The following SLC39A11 variants were observed in gnomAD, a reference collection of about 807,000 sequenced individuals.
The protein encoded by SLC39A11 is solute carrier family 39 member 11.
SLC39A11 carries 33 observed loss-of-function variants against 36.1 expected under a neutral mutation model. That is an observed-to-expected ratio of 0.91 (90% CI 0.69 to 1.22). The LOEUF (loss-of-function observed/expected upper bound fraction) is 1.22. SLC39A11 is among the 50% of genes most tolerant of loss of function. SLC39A11 has a pLI of 0.00. For synonymous variants in SLC39A11, 166 were observed against 170.3 expected (o/e 0.97, Z 0.20); for missense variants, 432 against 430.3 (o/e 1.00, Z -0.03).
chr17:72,694,229 G>T (rs772870769), intron 7 of SLC39A11, among the ~76,000 whole-genome samples: 1 of 152,126 alleles, frequency 6.6e-6, no homozygotes, highest in Non-Finnish European at 1.5e-5. Context: ...CTGAGAAGGG[G>T]GTCTCACAAA....
At chr17:73,018,660 C>T (rs183955094) in intron 4 of SLC39A11, among the ~76,000 whole-genome samples, 37 of 152,210 alleles carry the variant, frequency 2.4e-4, no homozygotes, top group Non-Finnish European at 5.1e-4. Context: ...TCCATCCCAA[C>T]AAAGCCTAAA....
intron 7 of SLC39A11, among the ~76,000 whole-genome samples, chr17:72,658,717 C>T (rs1013010687): frequency 1.3e-5 from 2 of 152,108 alleles, no homozygotes; most frequent in African/African-American, 4.8e-5. Context: ...CTGGGTGGGA[C>T]CCCAGGTGCA....
intron 7 of SLC39A11, among the ~76,000 whole-genome samples, chr17:72,736,040 A>T (rs1034662061): frequency 1.3e-5 from 2 of 152,220 alleles, no homozygotes; most frequent in African/African-American, 4.8e-5. Flanking sequence ...ATATAGGAAC[A>T]TATTCAGGAC....
intron 3 of SLC39A11, among the ~76,000 whole-genome samples, chr17:73,042,619 G>A (rs1251999805): frequency 6.6e-6 from 1 of 152,166 alleles, no homozygotes; most frequent in African/African-American, 2.4e-5. Context: ...TGGCCAACGT[G>A]GTGAAACCCC....
intron 4 of SLC39A11, among the ~76,000 whole-genome samples, chr17:73,000,891 G>C (rs1044647844): frequency 6.6e-6 from 1 of 152,232 alleles, no homozygotes; most frequent in Non-Finnish European, 1.5e-5. Context: ...TTTAGTGCTT[G>C]AAAAGGGACA....
chr17:72,668,522 G>C (rs1883438254), intron 7 of SLC39A11, among the ~76,000 whole-genome samples: 1 of 152,206 alleles, frequency 6.6e-6, no homozygotes, highest in African/African-American at 2.4e-5. Context: ...AGCTGGTTTT[G>C]ACTTTGCAAA....
intron 5 of SLC39A11, among the ~76,000 whole-genome samples, chr17:72,924,481 G>T (rs2083912623): frequency 6.6e-6 from 1 of 152,080 alleles, no homozygotes; most frequent in South Asian, 2.1e-4. Context: ...AATAAAAATT[G>T]ATCATTGTTT....
chr17:73,063,837 A>C (rs1005028412), intron 3 of SLC39A11, among the ~76,000 whole-genome samples: 1 of 152,162 alleles, frequency 6.6e-6, no homozygotes, highest in Non-Finnish European at 1.5e-5. Flanking sequence ...CATAATTACA[A>C]AGTGTTCAGC....
chr17:72,704,965 G>A (rs1046562820), intron 7 of SLC39A11, among the ~76,000 whole-genome samples: 1 of 152,200 alleles, frequency 6.6e-6, no homozygotes, highest in Admixed American at 6.5e-5. Context: ...TTAGCAGGAA[G>A]CCATCTTAAC....
At chr17:72,683,919 G>C (rs573274116) in intron 7 of SLC39A11, among the ~76,000 whole-genome samples, 6 of 152,112 alleles carry the variant, frequency 3.9e-5, no homozygotes, top group South Asian at 2.1e-4. Flanking sequence ...TTTTTGAAAG[G>C]GGGGAATCAC....
At chr17:72,709,848 A>G (rs1338400668) in intron 7 of SLC39A11, among the ~76,000 whole-genome samples, 1 of 152,224 alleles carries the variant, frequency 6.6e-6, no homozygotes, top group Non-Finnish European at 1.5e-5. Flanking sequence ...TCTGCAACTC[A>G]AAAGTTTTCC....
chr17:72,925,061 G>T (rs1317568993), intron 5 of SLC39A11, among the ~76,000 whole-genome samples: 1 of 151,762 alleles, frequency 6.6e-6, no homozygotes, highest in African/African-American at 2.4e-5. Flanking sequence ...CTCATTTGAG[G>T]AGAATTCCCT....
At position 72,783,026 on chromosome 17, in the gene SLC39A11, A is replaced by G. The variant is rs2076381366; in HGVS notation, c.602-46307T>C. 2.0e-5 allele frequency among the ~76,000 whole-genome samples: 3 copies of G among 151,848 alleles called. No homozygotes were observed. The East Asian group carries it at 5.8e-4, about 29-fold the overall frequency. Reference sequence around the variant, plus strand: ...CAACAAAAAAAAAAAAAAAAAAGAAAAAAGAAAAGAAAAGAAAGCAGATTT... The same window carrying G: ...CAACAAAAAAAAAAAAAAAAAAGAAGAAAGAAAAGAAAAGAAAGCAGATTT... On this transcript the variant is annotated intron_variant, in intron 6 of 9. Transcript: ENST00000255559.
At chr17:72,922,979 A>AC (rs2083774687) in intron 5 of SLC39A11, among the ~76,000 whole-genome samples, 2 of 138,048 alleles carry the variant, frequency 1.4e-5, no homozygotes, top group African/African-American at 5.8e-5. Context: ...AAAAAAAAAA[A>AC]AAAAAAAAAA....
chr17:72,859,603 C>A (rs897679337), intron 5 of SLC39A11, among the ~76,000 whole-genome samples: 1 of 151,092 alleles, frequency 6.6e-6, no homozygotes, highest in African/African-American at 2.4e-5. Flanking sequence ...AAGCTGACTG[C>A]ACTCTACCCT....
At chr17:72,932,816 G>A (rs1188001817) in intron 5 of SLC39A11, among the ~76,000 whole-genome samples, 1 of 152,178 alleles carries the variant, frequency 6.6e-6, no homozygotes. Flanking sequence ...CCAACATCTA[G>A]CAGCCGCTAA....
intron 6 of SLC39A11, among the ~76,000 whole-genome samples, chr17:72,844,394 C>T (rs1015733010): frequency 3.9e-5 from 6 of 152,160 alleles, no homozygotes; most frequent in Admixed American, 1.3e-4. Context: ...AGGGACCAGG[C>T]GCAGTGGCTC....
chr17:73,007,753 T>C (rs1404190840), intron 4 of SLC39A11, among the ~76,000 whole-genome samples: 2 of 152,044 alleles, frequency 1.3e-5, no homozygotes, highest in African/African-American at 2.4e-5. Context: ...GAAAAAGGCC[T>C]GGACTTGATG....
intron 5 of SLC39A11, among the ~76,000 whole-genome samples, chr17:72,899,020 A>G (rs1257778332): frequency 7.9e-6 from 1 of 127,090 alleles, no homozygotes; most frequent in Non-Finnish European, 1.7e-5. Context: ...CCATCAGCCC[A>G]AGTAATTCGG....
Sources: gnomAD v4.1 joint callset for allele counts (sites outside exome capture counted in the v4.1 genomes callset) on GRCh38, gnomAD v4.1.1 for gene constraint, MANE v1.5 for transcripts, NCBI Gene and HGNC (gene_info 2026-07-23, HGNC 2026-07-21) for gene names.